RANBP1: variants seen among roughly 807,000 people sequenced by gnomAD.
RANBP1 encodes RAN binding protein 1.
Under a neutral mutation model 31.4 loss-of-function variants are expected in RANBP1, and 16 were observed. The observed-to-expected ratio is 0.51, with a 90% CI of 0.34 to 0.77. RANBP1 has a LOEUF of 0.77. Ranked by LOEUF, RANBP1 falls within the 30% of genes least tolerant of loss-of-function variation. The pLI is 0.01. For missense variants in RANBP1, 265 were observed against 362.0 expected, an observed-to-expected ratio of 0.73 and a Z score of 2.17; for synonymous variants, 129 against 140.5, an observed-to-expected ratio of 0.92 and a Z score of 0.58.
intron 3 of RANBP1, 173 bp downstream of exon 3, chr22:20,122,594 T>G: frequency 6.5e-7 from 1 of 1,535,444 alleles, no homozygotes; most frequent in Non-Finnish European, 8.8e-7. Flanking sequence ...GCCTCTGAAC[T>G]CAGAGCAGGC....
chr22:20,116,170 C>T lies in RANBP1; in HGVS notation c.-15C>T, dbSNP rs777596749. 5.6e-6 allele frequency: 9 copies of T among 1,613,108 alleles called. No individual in the cohort carries two copies. Among genetic ancestry groups the T allele is most frequent in the South Asian group, 1.1e-5 (1 of 91,070 alleles). On this transcript the variant is annotated 5_prime_UTR_variant, in exon 1 of 6. Transcript: ENST00000430524. Reference sequence around the variant, plus strand: ...TGGTGGCTCACTCTCACCCTCCTGTCGCCTCCTCCTGGCCATGGGGTCGGC... The same window carrying T: ...TGGTGGCTCACTCTCACCCTCCTGTTGCCTCCTCCTGGCCATGGGGTCGGC...
At chr22:20,118,268 C>T in intron 1 of RANBP1, 1 of 1,002,470 alleles carries the variant, frequency 1.0e-6, no homozygotes, top group Non-Finnish European at 1.2e-6. Context: ...CAGTTTGAGT[C>T]TAGTGGTGAA....
intron 3 of RANBP1, 117 bp downstream of exon 3, chr22:20,122,538 TG>T: frequency 1.3e-6 from 2 of 1,574,936 alleles, no homozygotes; most frequent in Non-Finnish European, 1.7e-6. Context: ...TGCAAGTTTG[TG>T]GTGTGTTTGT....
intron 3 of RANBP1, chr22:20,122,667 C>T (rs755478450): frequency 4.0e-5 from 58 of 1,437,244 alleles, no homozygotes; most frequent in African/African-American, 1.0e-4. Flanking sequence ...GATGGGAGGA[C>T]GCAGCGCCCA....
At chr22:20,126,797 C>CA (rs1249109864) in intron 5 of RANBP1, 155 bp from the exon 6 acceptor site, 2 of 1,339,606 alleles carry the variant, frequency 1.5e-6, no homozygotes, top group African/African-American at 2.9e-5. Flanking sequence ...TTCAAGAAGA[C>CA]AGACTCCAGG....
chr22:20,123,576 G>GTA (rs954092133), intron 3 of RANBP1, among the ~76,000 whole-genome samples: 1 of 151,864 alleles, frequency 6.6e-6, no homozygotes, highest in Non-Finnish European at 1.5e-5. Flanking sequence ...CCCCAGTTAT[G>GTA]GTGTGTTCTA....
chr22:20,126,760 C>T, intron 5 of RANBP1, 192 bp from the exon 6 acceptor site: 6 of 1,350,828 alleles, frequency 4.4e-6, no homozygotes, highest in Non-Finnish European at 6.0e-6. Context: ...TTGAGTGCAT[C>T]CACCTGGCTT....
intron 1 of RANBP1, chr22:20,116,725 T>G: frequency 7.0e-7 from 1 of 1,422,492 alleles, no homozygotes; most frequent in African/African-American, 1.4e-5. Context: ...CACTCAGCCC[T>G]GCCCCTCCCC....
chr22:20,125,680 G>A (rs765964285), intron 4 of RANBP1: 25 of 1,373,908 alleles, frequency 1.8e-5, no homozygotes, highest in East Asian at 3.0e-5. Flanking sequence ...CCGCTCAGCC[G>A]CCTTGTGGCT....
chr22:20,124,888 G>A (rs1266883497), intron 3 of RANBP1: 2 of 200,274 alleles, frequency 1.0e-5, no homozygotes, highest in South Asian at 8.0e-5. Flanking sequence ...CTGACTTCAC[G>A]GCCAGGGTCA....
At chr22:20,125,856 G>T (rs1759113705) in intron 4 of RANBP1, among the ~76,000 whole-genome samples, 1 of 152,262 alleles carries the variant, frequency 6.6e-6, no homozygotes. Context: ...TGGGCAGAGA[G>T]ATCCACAGGC....
intron 3 of RANBP1, 100 bp from the exon 4 acceptor site, chr22:20,125,208 A>G: frequency 7.2e-7 from 1 of 1,380,880 alleles, no homozygotes; most frequent in East Asian, 2.3e-5. Flanking sequence ...TGTCTGAAGC[A>G]GACCCCTCAG....
Position 20,116,821 on chromosome 22 carries a change from T to A in RANBP1, c.246+391T>A, listed in dbSNP as rs554374554. 3.4e-6 allele frequency: 5 copies of A among 1,453,596 alleles called. No individual in the cohort carries two copies. The South Asian group carries it at 6.1e-5, about 18-fold the overall frequency. The allele number at this position is 1,453,596 out of a possible 1,614,324, so 90.0% of individuals were successfully genotyped here. A position where few individuals can be genotyped will look rare whatever the true frequency, so the allele number is the denominator to read the frequency against. On this transcript the variant is annotated intron_variant, in intron 1 of 5. Transcript: ENST00000430524. ...CCCACCTATTCTCTGGCAGGTTTCC[T>A]GACCCACCCCGCCTCCTCCCACCCC...
rs1602557509 is a variant in RANBP1 at position 20,127,197 on chromosome 22, T to G, written c.*145T>G. The G allele has an allele frequency of 6.5e-6, 4 of 612,906 alleles. No individual in the cohort carries two copies. Among genetic ancestry groups the G allele is most frequent in the East Asian group, 3.5e-5 (1 of 28,192 alleles). The allele number at this position is 612,906 out of a possible 1,614,324, so 38.0% of individuals were successfully genotyped here. A position where few individuals can be genotyped will look rare whatever the true frequency, so the allele number is the denominator to read the frequency against. On this transcript the variant is annotated 3_prime_UTR_variant, in exon 6 of 6. Transcript: ENST00000430524. ...AACTGAACTCAACATTCAGGTTGTT[T>G]TTTTTTTTTGTTTCTAAGTTTTTGC... is the stretch of plus-strand genomic sequence containing the variant.
chr22:20,126,534 G>C, intron 5 of RANBP1, 166 bp downstream of exon 5: 1 of 1,576,740 alleles, frequency 6.3e-7, no homozygotes. Flanking sequence ...GGTGCTTCCT[G>C]GGGAGCCCTG....
chr22:20,120,434 T>C (rs75229755), intron 2 of RANBP1, among the ~76,000 whole-genome samples: 11,605 of 152,156 alleles, frequency 0.076, 555 homozygotes, highest in African/African-American at 0.13. Flanking sequence ...CCCAGGCCCT[T>C]CCTGAGGGAG....
intron 3 of RANBP1, chr22:20,122,722 G>GTTGT (rs1568982465): frequency 1.1e-6 from 1 of 913,106 alleles, no homozygotes; most frequent in Non-Finnish European, 1.4e-6. Flanking sequence ...GCGAGGGGGT[G>GTTGT]CTGTGTGTGT....
chr22:20,116,834 C>CA, intron 1 of RANBP1: 9 of 1,534,916 alleles, frequency 5.9e-6, no homozygotes, highest in Non-Finnish European at 7.1e-6. Flanking sequence ...CCCACCCCGC[C>CA]TCCTCCCACC....
At chr22:20,117,110 G>T (rs2050051360) in intron 1 of RANBP1, 1 of 687,044 alleles carries the variant, frequency 1.5e-6, no homozygotes, top group South Asian at 1.9e-5. Flanking sequence ...CGATGCTCAG[G>T]TCCGGGTCTC....
Sources: gnomAD v4.1 joint callset for allele counts (sites outside exome capture counted in the v4.1 genomes callset) on GRCh38, gnomAD v4.1.1 for gene constraint, MANE v1.5 for transcripts, NCBI Gene and HGNC (gene_info 2026-07-23, HGNC 2026-07-21) for gene names.